LTBP1: variants seen among roughly 807,000 people sequenced by gnomAD.
LTBP1 encodes the protein latent transforming growth factor beta binding protein 1, also known as latent-transforming growth factor beta-binding protein 1.
LTBP1 carries 129 observed loss-of-function variants against 207.6 expected under a neutral mutation model. The observed-to-expected ratio is 0.62, with a 90% confidence interval of 0.54 to 0.72. The LOEUF (loss-of-function observed/expected upper bound fraction) is 0.72, where lower values mean the gene tolerates loss of function less well. Ranked by LOEUF, LTBP1 falls within the 30% of genes least tolerant of loss-of-function variation. LTBP1 has a pLI of 0.00. For synonymous variants in LTBP1, 963 were observed against 833.7 expected (o/e 1.16, Z -2.67); for missense variants, 2,281 against 2,217.2 (o/e 1.03, Z -0.58).
intron 2 of LTBP1, among the ~76,000 whole-genome samples, chr2:32,999,280 A>G (rs1290920297): frequency 6.6e-6 from 1 of 152,162 alleles, no homozygotes; most frequent in Non-Finnish European, 1.5e-5. Flanking sequence ...TGCACTCTAG[A>G]TAGTCGTTTT....
chr2:33,168,158 T>C (rs889128966), intron 5 of LTBP1, among the ~76,000 whole-genome samples: 3 of 152,022 alleles, frequency 2.0e-5, no homozygotes, highest in African/African-American at 7.2e-5. Flanking sequence ...GGCGGGAGGA[T>C]TGCTTGAGGC....
intron 31 of LTBP1, among the ~76,000 whole-genome samples, chr2:33,378,181 A>ATGTGTG (rs1191265116): frequency 2.1e-4 from 24 of 115,976 alleles, no homozygotes; most frequent in Non-Finnish European, 2.9e-4. Context: ...TCATATATAT[A>ATGTGTG]TATATGTGTG....
At chr2:33,008,466 AG>A (rs551994987) in intron 2 of LTBP1, among the ~76,000 whole-genome samples, 23 of 152,362 alleles carry the variant, frequency 1.5e-4, no homozygotes, top group African/African-American at 5.5e-4. Context: ...ACAGACTTTT[AG>A]AAAATCTGGA....
intron 4 of LTBP1, among the ~76,000 whole-genome samples, chr2:33,123,293 A>G (rs764906815): frequency 6.6e-6 from 1 of 152,198 alleles, no homozygotes; most frequent in Non-Finnish European, 1.5e-5. Flanking sequence ...TCTTGCCCAC[A>G]TGGAATGGAG....
At position 33,348,512 on chromosome 2, in the gene LTBP1, G is replaced by C. The variant is rs753248305; in HGVS notation, c.4000+1002G>C. ...AACAATACATATTCCATAAAGAAGA[G>C]ACTTTTCATTTTAATTGGATCTACA... On this transcript the variant is annotated intron_variant, in intron 26 of 33. Transcript: ENST00000404816. Among the ~76,000 whole-genome samples the C allele has an allele frequency of 9.2e-5, 14 of 152,084 alleles. 1 individual carries two copies. The highest frequency in any genetic ancestry group is 6.5e-5 in the Admixed American group (1 of 15,278).
At chr2:33,317,034 C>T (rs1278462586) in intron 24 of LTBP1, among the ~76,000 whole-genome samples, 1 of 152,168 alleles carries the variant, frequency 6.6e-6, no homozygotes, top group African/African-American at 2.4e-5. Flanking sequence ...AAAGAATATA[C>T]TAAACATAAA....
chr2:33,211,740 A>G (rs1343925119), intron 7 of LTBP1, among the ~76,000 whole-genome samples: 1 of 152,230 alleles, frequency 6.6e-6, no homozygotes, highest in Admixed American at 6.5e-5. Context: ...TTATGAAACC[A>G]TATTCCACCA....
In LTBP1 at chr2:33,051,394, G is replaced by A. The variant is rs2076732972; in HGVS notation, c.863+30188G>A. ...TTATGCCACTTTAACTCCAACCTGG[G>A]TTTCAGAGCAAGATCGTGTTTCTAA... On this transcript the variant is annotated intron_variant, in intron 3 of 33. Coordinates refer to ENST00000404816, the MANE Select transcript of LTBP1 (RefSeq NM_206943.4). 3.3e-5 allele frequency among the ~76,000 whole-genome samples: 5 copies of A among 152,096 alleles called. No homozygotes were observed. In the South Asian group the frequency reaches 8.3e-4, roughly 25 times the overall value.
intron 32 of LTBP1, 127 bp downstream of exon 32, chr2:33,389,433 G>T: frequency 2.3e-6 from 3 of 1,316,236 alleles, no homozygotes; most frequent in Non-Finnish European, 3.2e-6. Context: ...CTGCTGGTCA[G>T]AAAGTCTAGG....
At chr2:33,050,630 C>T (rs746782302) in intron 3 of LTBP1, among the ~76,000 whole-genome samples, 3 of 152,098 alleles carry the variant, frequency 2.0e-5, no homozygotes, top group Non-Finnish European at 4.4e-5. Flanking sequence ...TATTACTCTG[C>T]TACAGATAGT....
chr2:33,294,050 G>A (rs115899830), intron 20 of LTBP1, among the ~76,000 whole-genome samples: 4,095 of 121,452 alleles, frequency 0.034, 61 homozygotes, highest in Middle Eastern at 0.2. Flanking sequence ...GTGTTGCCCA[G>A]GCTAGAGTGC....
In LTBP1 at chr2:33,001,891, G is replaced by C. The variant is rs1293307304; in HGVS notation, c.566-19018G>C. Among the ~76,000 whole-genome samples the C allele has an allele frequency of 1.5e-5, 2 of 135,088 alleles. 1 individual carries two copies. The highest frequency in any genetic ancestry group is 5.2e-5 in the African/African-American group (2 of 38,668). The allele number at this position is 135,088 out of a possible 152,430, so 88.6% of individuals were successfully genotyped here. A position where few individuals can be genotyped will look rare whatever the true frequency, so the allele number is the denominator to read the frequency against. On this transcript the variant is annotated intron_variant, in intron 2 of 33. Coordinates refer to ENST00000404816, the MANE Select transcript of LTBP1 (RefSeq NM_206943.4). Reference sequence around the variant, plus strand: ...AAATAGTAAGAGGAGAAAGTGTCCTGTTGTAGAAACTCCCATCTTTGTAGA... The same window carrying C: ...AAATAGTAAGAGGAGAAAGTGTCCTCTTGTAGAAACTCCCATCTTTGTAGA...
intron 31 of LTBP1, among the ~76,000 whole-genome samples, chr2:33,369,618 C>T (rs933856729): frequency 1.3e-5 from 2 of 152,024 alleles, no homozygotes; most frequent in Non-Finnish European, 2.9e-5. Context: ...AGTGCAGTGG[C>T]GGGATCTCAG....
At chr2:33,175,906 C>T (rs1431502773) in intron 5 of LTBP1, among the ~76,000 whole-genome samples, 2 of 118,526 alleles carry the variant, frequency 1.7e-5, no homozygotes, top group Admixed American at 1.9e-4. Context: ...ATCGCAAGAA[C>T]AGAAAACCAG....
In LTBP1 at chr2:33,021,121, C is replaced by T. The variant is rs1240104521; in HGVS notation, c.778C>T (p.Leu260=). The T allele has an allele frequency of 5.6e-6, 9 of 1,614,050 alleles. No individual in the cohort carries two copies. The highest frequency in any genetic ancestry group is 7.6e-6 in the Non-Finnish European group (9 of 1,179,964). ...TACTTCATCTAAGAAGGCAGACACT[C>T]TACCAAGAGTCAGCCCTGTGGCCCA... ...KHTSSKKADT[L]PRVSPVAQMT... is the part of the protein sequence containing the mutation. Residue 260 remains leucine, a synonymous_variant, in exon 3 of 34, where the codon CTA becomes TTA. Coordinates refer to ENST00000404816, the MANE Select transcript of LTBP1 (RefSeq NM_206943.4).
intron 5 of LTBP1, among the ~76,000 whole-genome samples, chr2:33,154,808 AT>A (rs1280405858): frequency 1.4e-4 from 21 of 152,308 alleles, no homozygotes; most frequent in Middle Eastern, 6.8e-3. Flanking sequence ...CACACTTATA[AT>A]CCTAGCACTT....
At chr2:33,211,417 C>T (rs1409681578) in intron 7 of LTBP1, among the ~76,000 whole-genome samples, 1 of 152,216 alleles carries the variant, frequency 6.6e-6, no homozygotes, top group Non-Finnish European at 1.5e-5. Flanking sequence ...TTCTAATCCC[C>T]ACACAGGGGT....
chr2:33,287,840 C>G (rs1205468581), intron 19 of LTBP1, among the ~76,000 whole-genome samples: 1 of 152,214 alleles, frequency 6.6e-6, no homozygotes, highest in Non-Finnish European at 1.5e-5. Flanking sequence ...TGAGGATCTA[C>G]TATACCTCAA....
chr2:33,312,392 A>G (rs2094200738), intron 23 of LTBP1, among the ~76,000 whole-genome samples: 1 of 152,228 alleles, frequency 6.6e-6, no homozygotes. Context: ...TAATGATGAT[A>G]TACAGACAGT....
Sources: gnomAD v4.1 joint callset for allele counts (sites outside exome capture counted in the v4.1 genomes callset) on GRCh38, gnomAD v4.1.1 for gene constraint, MANE v1.5 for transcripts, NCBI Gene and HGNC (gene_info 2026-07-23, HGNC 2026-07-21) for gene names.